Variants in BPHL observed in about 807,000 individuals in gnomAD.
The protein encoded by BPHL is serine hydrolase BPHL.
BPHL carries 27 observed loss-of-function variants against 31.2 expected under a neutral mutation model. The ratio of observed to expected loss-of-function variants is 0.87; its 90% CI spans 0.64 to 1.19. The LOEUF (loss-of-function observed/expected upper bound fraction) is 1.19, where lower values mean the gene tolerates loss of function less well. Ranked by LOEUF, BPHL falls within the 50% of genes most tolerant of loss-of-function variation. The pLI is 0.00. For missense variants in BPHL, 356 were observed against 375.7 expected, an observed-to-expected ratio of 0.95 and a Z score of 0.43; for synonymous variants, 150 against 146.8, an observed-to-expected ratio of 1.02 and a Z score of -0.16.
chr6:3,151,107 C>T (rs1762510970), intron 6 of BPHL, among the ~76,000 whole-genome samples: 1 of 152,192 alleles, frequency 6.6e-6, no homozygotes, highest in Admixed American at 6.5e-5. Flanking sequence ...AAAGACTTCA[C>T]ATGTGGCAGG....
chr6:3,118,463 A>T (rs1236563492), upstream of BPHL: 1 of 312,958 alleles, frequency 3.2e-6, no homozygotes, highest in African/African-American at 2.2e-5. Context: ...GGCAGCGCCG[A>T]CGGGGACACT....
intron 4 of BPHL, among the ~76,000 whole-genome samples, chr6:3,131,322 T>A (rs968296200): frequency 7.9e-5 from 12 of 151,996 alleles, no homozygotes; most frequent in African/African-American, 2.9e-4. Context: ...AATCACTATC[T>A]CAGTTCATGG....
intron 1 of BPHL, among the ~76,000 whole-genome samples, chr6:3,122,655 C>T (rs1002790837): frequency 3.9e-5 from 6 of 151,998 alleles, no homozygotes; most frequent in Non-Finnish European, 7.4e-5. Context: ...ATGCTGGATC[C>T]TAGGAGGTCT....
In BPHL at chr6:3,140,570, AC is replaced by A; in HGVS notation, c.788+62del. On this transcript the variant is annotated intron_variant, in intron 6 of 6. Coordinates refer to ENST00000380379, the MANE Select transcript of BPHL (RefSeq NM_004332.4). The surrounding 1 kb of genome is among the most constrained non-coding windows in gnomAD (Gnocchi z 5.2). ...AGCCTCGGAGTCAATGGGCAAAGCT[AC>A]TGGAAGGAAAATAACCAAGAGGAGT... 6.2e-7 allele frequency: 1 copy of A among 1,600,930 alleles called. No homozygotes were observed. The highest frequency in any genetic ancestry group is 8.5e-7 in the Non-Finnish European group (1 of 1,175,678).
At chr6:3,122,389 GCCATCATGT>G (rs1336963628) in intron 1 of BPHL, among the ~76,000 whole-genome samples, 1 of 152,206 alleles carries the variant, frequency 6.6e-6, no homozygotes, top group African/African-American at 2.4e-5. Context: ...GTCCTGGCTT[GCCATCATGT>G]CCCTCCTGTG....
At chr6:3,136,931 GA>G (rs1009057502) in intron 4 of BPHL, among the ~76,000 whole-genome samples, 4 of 152,138 alleles carry the variant, frequency 2.6e-5, no homozygotes, top group African/African-American at 9.7e-5. Flanking sequence ...ATGCAATGCA[GA>G]AAAAAACTCC....
At chr6:3,129,700 G>T (rs1761816324) in intron 4 of BPHL, among the ~76,000 whole-genome samples, 1 of 151,908 alleles carries the variant, frequency 6.6e-6, no homozygotes, top group Non-Finnish European at 1.5e-5. Flanking sequence ...AATGTTGAGT[G>T]TGGAAAAGAA....
chr6:3,120,315 G>A lies in BPHL; in HGVS notation c.107+1468G>A, dbSNP rs1023475020. The stretch of plus-strand genomic sequence containing the variant: ...CTCCCAAAGTGCTGGGATTACAGGC[G>A]TGAGCCACCGCTCTCGGCCTACCAG... On this transcript the variant is annotated intron_variant, in intron 1 of 6. Transcript: ENST00000380379. Among the ~76,000 whole-genome samples the A allele has an allele frequency of 2.0e-5, 3 of 152,074 alleles. 1 individual carries two copies. Among genetic ancestry groups the A allele is most frequent in the South Asian group, 4.1e-4 (2 of 4,826 alleles).
intron 5 of BPHL, chr6:3,139,787 C>A (rs9503405): frequency 0.21 from 32,741 of 152,296 alleles, 7,510 homozygotes; most frequent in African/African-American, 0.58. Context: ...AGGCAGGAAA[C>A]TGCAGTACAG....
At chr6:3,146,576 T>C (rs1441626532) in intron 6 of BPHL, among the ~76,000 whole-genome samples, 1 of 85,108 alleles carries the variant, frequency 1.2e-5, no homozygotes, top group Non-Finnish European at 2.2e-5. Context: ...TGGTTCGGGG[T>C]GGAGTACTGG....
At chr6:3,132,418 G>A (rs902087526) in intron 4 of BPHL, among the ~76,000 whole-genome samples, 4 of 152,064 alleles carry the variant, frequency 2.6e-5, no homozygotes, top group Non-Finnish European at 4.4e-5. Context: ...TCCTCCAGGC[G>A]TCACCCTCAG....
intron 1 of BPHL, among the ~76,000 whole-genome samples, chr6:3,120,911 C>T (rs1761552342): frequency 6.6e-6 from 1 of 152,178 alleles, no homozygotes; most frequent in Admixed American, 6.5e-5. Flanking sequence ...GTGCCTGAGC[C>T]CTCTTAGGAC....
intron 4 of BPHL, among the ~76,000 whole-genome samples, chr6:3,132,077 G>A (rs183851574): frequency 1.1e-3 from 169 of 152,214 alleles, no homozygotes; most frequent in Non-Finnish European, 1.8e-3. Context: ...CAGTAGCGCA[G>A]CACTCTTTAC....
At chr6:3,137,266 G>A (rs1481016207) in intron 4 of BPHL, 96 bp from the exon 5 acceptor site, 2 of 1,454,210 alleles carry the variant, frequency 1.4e-6, no homozygotes, top group South Asian at 1.3e-5. Flanking sequence ...GAGACAGTGA[G>A]CGCATGGGCT....
At chr6:3,126,245 TA>T (rs199841590) in intron 2 of BPHL, among the ~76,000 whole-genome samples, 3,226 of 142,266 alleles carry the variant, frequency 0.023, 103 homozygotes, top group African/African-American at 0.073. Context: ...CTTAGCTTAG[TA>T]AAAAAAAAAA....
rs1051858701 is a variant in BPHL, at chr6:3,149,036, C to A, written c.789-3452C>A. 6.6e-6 allele frequency among the ~76,000 whole-genome samples: 1 copy of A among 152,148 alleles called. No individual in the cohort carries two copies. The highest frequency in any genetic ancestry group is 2.4e-5 in the African/African-American group (1 of 41,442). ...ACATTTATTAAGCTTACCACGTACC[C>A]GCAGACCCTATGCTGCATACGTTGA... On this transcript the variant is annotated intron_variant, in intron 6 of 6. Transcript: ENST00000380379. The surrounding 1 kb of genome is among the most constrained non-coding windows in gnomAD (Gnocchi z 4.6).
chr6:3,118,607 G>C, upstream of BPHL: 1 of 593,110 alleles, frequency 1.7e-6, no homozygotes, highest in Non-Finnish European at 2.5e-6. Flanking sequence ...TTCGGGGCGG[G>C]GCGGGCAGAG....
At chr6:3,124,554 AC>A (rs1761663220) in intron 2 of BPHL, among the ~76,000 whole-genome samples, 1 of 151,022 alleles carries the variant, frequency 6.6e-6, no homozygotes, top group Admixed American at 6.5e-5. Context: ...CATGGAAGCT[AC>A]GCATGTTCTC....
chr6:3,118,591 C>T (rs1174501307), upstream of BPHL: 4 of 520,150 alleles, frequency 7.7e-6, no homozygotes, highest in East Asian at 3.5e-5. Flanking sequence ...CCCGGCAGGG[C>T]GTGGCTTCGG....
Sources: gnomAD v4.1 joint callset for allele counts (sites outside exome capture counted in the v4.1 genomes callset) on GRCh38, gnomAD v4.1.1 for gene constraint, Gnocchi (gnomAD v3.1) non-coding constraint, MANE v1.5 for transcripts, NCBI Gene and HGNC (gene_info 2026-07-23, HGNC 2026-07-21) for gene names.